Variants in MYBPC1 observed in about 807,000 individuals in gnomAD.
MYBPC1 encodes myosin-binding protein C, slow-type.
In MYBPC1, 52 loss-of-function variants were observed where a neutral mutation model predicts 147.1. The observed-to-expected ratio is 0.35, with a 90% CI of 0.28 to 0.45. MYBPC1 has a LOEUF of 0.45. Ranked by LOEUF, MYBPC1 falls within the 20% of genes least tolerant of loss-of-function variation. The pLI is 1.00. For missense variants in MYBPC1, 1,228 were observed against 1,440.3 expected, an observed-to-expected ratio of 0.85 and a Z score of 2.39; for synonymous variants, 477 against 475.9, an observed-to-expected ratio of 1.00 and a Z score of -0.03.
At chr12:101,682,213 A>T (rs1032520919) in intron 29 of MYBPC1, among the ~76,000 whole-genome samples, 2 of 152,202 alleles carry the variant, frequency 1.3e-5, no homozygotes, top group African/African-American at 4.8e-5. Flanking sequence ...ACTAAAAAAA[A>T]AAGTACCACT....
intron 12 of MYBPC1, among the ~76,000 whole-genome samples, chr12:101,646,108 G>T (rs1893054574): frequency 6.6e-6 from 1 of 152,154 alleles, no homozygotes. Context: ...AGAATGTACA[G>T]AGTTAAAAAT....
At chr12:101,596,600 A>G (rs1877350981) in intron 1 of MYBPC1, among the ~76,000 whole-genome samples, 1 of 152,252 alleles carries the variant, frequency 6.6e-6, no homozygotes, top group South Asian at 2.1e-4. Context: ...TGAAAAACCA[A>G]TAAATAAGGT....
In MYBPC1 at chr12:101,652,613, C is replaced by T. The variant is rs1399815731; in HGVS notation, c.1527-65C>T. 6 of 1,129,744 alleles carry T rather than the reference C, an allele frequency of 5.3e-6. No individual in the cohort carries two copies. In the Admixed American group the frequency reaches 1.0e-4, roughly 19 times the overall value. 70.0% of individuals were successfully genotyped at this position (1,129,744 alleles called of 1,614,324 possible). ...ATCAGATAAAGGTCAAGTGTCTTTT[C>T]AGCTTGGGTCATATATAAACTAGAT... On this transcript the variant is annotated intron_variant, in intron 16 of 31. Transcript: ENST00000361466.
intron 1 of MYBPC1, among the ~76,000 whole-genome samples, chr12:101,597,189 A>G (rs1240373274): frequency 6.6e-6 from 1 of 152,156 alleles, no homozygotes; most frequent in Non-Finnish European, 1.5e-5. Context: ...GTTTGATTGC[A>G]TATAAGCCTC....
chr12:101,610,209 C>T (rs977756157), intron 1 of MYBPC1, among the ~76,000 whole-genome samples: 5 of 152,168 alleles, frequency 3.3e-5, no homozygotes, highest in African/African-American at 1.2e-4. Flanking sequence ...GTTTCAAATG[C>T]TCTGAAAAGG....
chr12:101,602,903 C>A (rs1367878509), intron 1 of MYBPC1, among the ~76,000 whole-genome samples: 1 of 152,190 alleles, frequency 6.6e-6, no homozygotes, highest in Non-Finnish European at 1.5e-5. Context: ...TAGTTGTCAG[C>A]ATAAGGTGAT....
intron 24 of MYBPC1, 80 bp from the exon 25 acceptor site, chr12:101,673,346 CA>C (rs1238245930): frequency 4.5e-5 from 66 of 1,456,394 alleles, no homozygotes; most frequent in Non-Finnish European, 5.9e-5. Context: ...TGGGTTAAGC[CA>C]CTGTCCTTCT....
rs188329624 is a variant in MYBPC1 at position 101,654,065 on chromosome 12, A to T, written c.1767+817A>T. Among the ~76,000 whole-genome samples, 540 of 151,984 alleles carry T rather than the reference A, an allele frequency of 3.6e-3. 3 individuals carry two copies. Among genetic ancestry groups the T allele is most frequent in the African/African-American group, 0.012 (512 of 41,434 alleles). The stretch of plus-strand genomic sequence containing the variant: ...CTAAAAATACAAAAAAATTAGCCAA[A>T]TATGGTGGCAGCATGCCTCTAATTC... On this transcript the variant is annotated intron_variant, in intron 18 of 31. Transcript: ENST00000361466.
intron 3 of MYBPC1, among the ~76,000 whole-genome samples, chr12:101,625,802 T>A (rs1888445490): frequency 6.6e-6 from 1 of 152,040 alleles, no homozygotes. Flanking sequence ...AATTTATCCT[T>A]CTGCCAGGCG....
Position 101,608,694 on chromosome 12 carries a change from G to T in MYBPC1, c.26-5802G>T, listed in dbSNP as rs527349525. 2.6e-5 allele frequency among the ~76,000 whole-genome samples: 4 copies of T among 152,304 alleles called. No individual in the cohort carries two copies. In the South Asian group the frequency reaches 8.3e-4, roughly 32 times the overall value. On this transcript the variant is annotated intron_variant, in intron 1 of 31. Coordinates refer to ENST00000361466, the MANE Select transcript of MYBPC1 (RefSeq NM_002465.4). ...GTTCCTCGACACAAGTTGCTTTGCC[G>T]TTTTGGGGAGCCCCGATTTTAAAAG...
At chr12:101,693,501 G>C in the MYBPC1 span, among the ~76,000 whole-genome samples, 8,692 of 152,172 alleles carry the variant, frequency 0.057, 869 homozygotes, top group African/African-American at 0.2. Context: ...AGCATTTTAG[G>C]AGGTCAAAGC....
intron 19 of MYBPC1, among the ~76,000 whole-genome samples, chr12:101,660,860 A>T (rs545966127): frequency 6.6e-6 from 1 of 152,220 alleles, no homozygotes; most frequent in Non-Finnish European, 1.5e-5. Flanking sequence ...AAACCATCAG[A>T]TCCCTTGAGA....
At position 101,644,661 on chromosome 12, in the gene MYBPC1, C is replaced by T. The variant is rs1350051669; in HGVS notation, c.833-3C>T. ...CATACTTTTGCTTCTTCTATTCTAT[C>T]AGCTTTTGCAAAAATTCTTGATCCT... On this transcript the variant is annotated splice_region_variant and splice_polypyrimidine_tract_variant and intron_variant, in intron 11 of 31. Transcript: ENST00000361466. 2.5e-6 allele frequency: 4 copies of T among 1,612,268 alleles called. No individual in the cohort carries two copies. In the African/African-American group the frequency reaches 5.3e-5, roughly 22 times the overall value.
intron 18 of MYBPC1, among the ~76,000 whole-genome samples, chr12:101,654,303 A>G (rs1009573716): frequency 6.6e-6 from 1 of 152,204 alleles, no homozygotes; most frequent in Non-Finnish European, 1.5e-5. Flanking sequence ...AACCAGATTT[A>G]CCTACTCACT....
rs373197498 is a variant in MYBPC1, at chr12:101,673,500, A to C, written c.2687A>C (p.Asn896Thr). 1 of 1,614,056 alleles carries C rather than the reference A, an allele frequency of 6.2e-7. No homozygotes were observed. Among genetic ancestry groups the C allele is most frequent in the Admixed American group, 1.7e-5 (1 of 60,022 alleles). Residue 896 changes from asparagine to threonine, a missense_variant, in exon 25 of 32, where the codon AAC becomes ACC. This residue lies in a region of MYBPC1 where 1,077 missense variants were observed against 1,314.2 expected (regional missense o/e 0.82). Transcript: ENST00000361466. ...GATAAGAATCAAATAAACATTCGCA[A>C]CTCTGAGACTGATACAATCATATTT... ...EIDKNQINIR[N>T]SETDTIIFIR...
At chr12:101,663,325 T>C (rs1464185609) in intron 21 of MYBPC1, 101 bp from the exon 22 acceptor site, 2 of 1,043,802 alleles carry the variant, frequency 1.9e-6, no homozygotes, top group African/African-American at 1.6e-5. Context: ...GTAGGGCTTT[T>C]GTGTCTATTT....
At chr12:101,689,199 G>A (rs1951386863), downstream of MYBPC1, among the ~76,000 whole-genome samples, 1 of 152,130 alleles carries the variant, frequency 6.6e-6, no homozygotes, top group Admixed American at 6.5e-5. Context: ...CAGATTAAAT[G>A]TAACTCTGAG....
intron 27 of MYBPC1, 49 bp downstream of exon 27, chr12:101,677,443 A>C (rs772521342): frequency 1.9e-6 from 3 of 1,602,946 alleles, no homozygotes; most frequent in Admixed American, 3.3e-5. Flanking sequence ...GACAGTGACC[A>C]GACAGAGAAG....
rs10745919 is a variant in MYBPC1, at chr12:101,660,973, G to A, written c.1928-185G>A. Among the ~76,000 whole-genome samples, 102,086 of 152,092 alleles carry A rather than the reference G, an allele frequency of 0.67. 35,198 individuals carry two copies. Among genetic ancestry groups the A allele is most frequent in the Admixed American group, 0.8 (12,167 of 15,294 alleles). On this transcript the variant is annotated intron_variant, in intron 19 of 31. Coordinates refer to ENST00000361466, the MANE Select transcript of MYBPC1 (RefSeq NM_002465.4). The stretch of plus-strand genomic sequence containing the variant: ...ACATGTGGGAATTATGGGAGCTACA[G>A]TTCAAGATGAGATTTGGATGGGGAC...
Sources: allele counts gnomAD v4.1 joint callset (sites outside exome capture counted in the v4.1 genomes callset), GRCh38; gene constraint gnomAD v4.1.1; regional missense constraint gnomAD v4.1.1; transcripts MANE v1.5; gene names NCBI Gene and HGNC (gene_info 2026-07-23, HGNC 2026-07-21).